The following UTP20 variants were observed in gnomAD, a reference collection of about 807,000 sequenced individuals.
UTP20 encodes small subunit processome component 20 homolog.
A neutral mutation model predicts 329.5 loss-of-function variants in UTP20; 164 were observed. That is an observed-to-expected ratio of 0.50 (90% CI 0.44 to 0.57). The LOEUF (loss-of-function observed/expected upper bound fraction) is 0.57. UTP20 is among the 20% of genes least tolerant of loss of function. UTP20 has a pLI of 0.00. For synonymous variants in UTP20, 1,151 were observed against 1,159.3 expected, an observed-to-expected ratio of 0.99 and a Z score of 0.14; for missense variants, 3,055 against 3,284.2, an observed-to-expected ratio of 0.93 and a Z score of 1.71.
Position 101,369,844 on chromosome 12 carries a change from G to A in UTP20, c.6508G>A (p.Gly2170Arg), listed in dbSNP as rs372898217. The part of the protein sequence containing the change: ...FLLLKDYAKL[G>R]AARGQNFHLV... Reference sequence around the variant, plus strand: ...TCTGCTGAAGGACTATGCAAAGCTCGGGGCCGCCAGGGGCCAGAACTTCCA... The same window carrying A: ...TCTGCTGAAGGACTATGCAAAGCTCAGGGCCGCCAGGGGCCAGAACTTCCA... The change falls in exon 49 of 62, where the codon GGG (glycine) becomes AGG (arginine). Residue 2170 changes from glycine to arginine, a missense_variant. Around this residue, in one of 3 missense-constraint regions of UTP20, gnomAD observed 2,445 missense variants for 2,575.5 expected, o/e 0.95. Transcript: ENST00000261637. 3.7e-6 allele frequency: 6 copies of A among 1,613,878 alleles called. No homozygotes were observed. Among genetic ancestry groups the A allele is most frequent in the African/African-American group, 1.3e-5 (1 of 74,878 alleles).
Position 101,354,902 on chromosome 12 carries a change from G to A in UTP20, c.5178G>A (p.Lys1726=). 1.9e-6 allele frequency: 3 copies of A among 1,614,150 alleles called. No individual in the cohort carries two copies. Among genetic ancestry groups the A allele is most frequent in the Non-Finnish European group, 2.5e-6 (3 of 1,180,030 alleles). The stretch of plus-strand genomic sequence containing the variant: ...TAGAGCGTGTGGATGAGGAAGAGAA[G>A]GAATATACATGCAAGAGTTTGTCAG... ...MELERVDEEE[K]EYTCKSLSDN... is the part of the protein sequence containing the mutation. Residue 1726 remains lysine, a synonymous_variant, in exon 41 of 62, where the codon AAG becomes AAA. Coordinates refer to ENST00000261637, the MANE Select transcript of UTP20 (RefSeq NM_014503.3).
At chr12:101,385,097 C>CA (rs35335261) in intron 60 of UTP20, among the ~76,000 whole-genome samples, 24,248 of 113,998 alleles carry the variant, frequency 0.21, 2,536 homozygotes, top group Non-Finnish European at 0.28. Context: ...ACTCCCCCGC[C>CA]AAAAAAAAAA....
At chr12:101,285,056 G>T (rs1353225621) in intron 2 of UTP20, among the ~76,000 whole-genome samples, 1 of 151,986 alleles carries the variant, frequency 6.6e-6, no homozygotes, top group East Asian at 1.9e-4. Flanking sequence ...CCTATTGTCG[G>T]ATATTTTAGC....
At chr12:101,342,394 G>T in intron 32 of UTP20, 52 bp from the exon 33 acceptor site, 1 of 1,437,386 alleles carries the variant, frequency 7.0e-7, no homozygotes, top group Non-Finnish European at 9.4e-7. Context: ...AGTATAAGTT[G>T]ACCAGTTTAT....
At position 101,356,558 on chromosome 12, in the gene UTP20, A is replaced by C. The variant is rs773190450; in HGVS notation, c.5399A>C (p.Lys1800Thr). ...TAACCTAAATTTTTCTTACAGACTA[A>C]AAGGGAAGAAGAACACAAGCTTGTC... ...RLHKCLASTT[K>T]REEEHKLVKS... The change falls in exon 42 of 62, where the codon AAA becomes ACA. Residue 1800 changes from lysine (K) to threonine (T), a missense_variant. Transcript: ENST00000261637. The C allele has an allele frequency of 4.3e-6, 7 of 1,610,084 alleles. No homozygotes were observed. The Admixed American group carries it at 5.1e-5, about 12-fold the overall frequency.
chr12:101,350,607 T>G (rs1028074691), intron 38 of UTP20, among the ~76,000 whole-genome samples: 4 of 152,160 alleles, frequency 2.6e-5, no homozygotes, highest in Admixed American at 2.0e-4. Context: ...GCTTTCAAGC[T>G]CTCTTAGGGC....
rs758143201 is a variant in UTP20 at position 101,290,927 on chromosome 12, G to A, written c.891+39G>A. 36 of 1,581,240 alleles carry A rather than the reference G, an allele frequency of 2.3e-5. No individual in the cohort carries two copies. The Admixed American group carries it at 6.3e-4, about 28-fold the overall frequency. The stretch of plus-strand genomic sequence containing the variant: ...TTTAAGGATGGGTTTTTGATAAGGA[G>A]TCTAAGAATTTACTGTTTCTGCTCT... On this transcript the variant is annotated intron_variant, in intron 8 of 61. Coordinates refer to ENST00000261637, the MANE Select transcript of UTP20 (RefSeq NM_014503.3).
intron 2 of UTP20, among the ~76,000 whole-genome samples, chr12:101,284,656 A>C (rs985946624): frequency 2.0e-5 from 3 of 152,120 alleles, no homozygotes; most frequent in Admixed American, 1.3e-4. Flanking sequence ...CATGTCATAC[A>C]TGTATGATAA....
intron 37 of UTP20, among the ~76,000 whole-genome samples, chr12:101,345,962 A>G (rs889144849): frequency 5.9e-5 from 9 of 152,176 alleles, no homozygotes; most frequent in South Asian, 2.1e-4. Context: ...TCCATTGTTA[A>G]ACAAATGCTA....
At chr12:101,361,681 T>C (rs1316541311) in intron 43 of UTP20, among the ~76,000 whole-genome samples, 1 of 147,530 alleles carries the variant, frequency 6.8e-6, no homozygotes, top group Non-Finnish European at 1.5e-5. Context: ...ATAAATAAAG[T>C]TCAAGACTCT....
chr12:101,356,998 T>C lies in UTP20; in HGVS notation c.5607T>C (p.Leu1869=), dbSNP rs1211277993. Residue 1869 remains leucine (L), a synonymous_variant, in exon 43 of 62, where the codon CTT becomes CTC. Coordinates refer to ENST00000261637, the MANE Select transcript of UTP20 (RefSeq NM_014503.3). ...QEIRDIARST[L]AKIIEDLGVH... is the part of the protein sequence containing the mutation. Reference sequence around the variant, plus strand: ...TCAGAGACATTGCACGCAGCACTCTTGCGAAAATAATAGAGGATCTTGGTG... The same window carrying C: ...TCAGAGACATTGCACGCAGCACTCTCGCGAAAATAATAGAGGATCTTGGTG... 6.2e-7 allele frequency: 1 copy of C among 1,614,144 alleles called. No individual in the cohort carries two copies. Among genetic ancestry groups the C allele is most frequent in the East Asian group, 2.2e-5 (1 of 44,870 alleles).
chr12:101,296,614 A>T (rs7296640), intron 12 of UTP20, among the ~76,000 whole-genome samples: 7 of 146,436 alleles, frequency 4.8e-5, no homozygotes, highest in Non-Finnish European at 7.5e-5. Flanking sequence ...TGGGTGTGGT[A>T]GCGGGCGCCT....
intron 23 of UTP20, 90 bp downstream of exon 23, chr12:101,319,725 G>A (rs1873088422): frequency 2.0e-6 from 2 of 994,304 alleles, no homozygotes; most frequent in South Asian, 1.5e-5. Flanking sequence ...TTCAATAATT[G>A]CTGAATAGGG....
At chr12:101,295,332 A>G (rs1390422455) in intron 11 of UTP20, 148 bp from the exon 12 acceptor site, 3 of 680,558 alleles carry the variant, frequency 4.4e-6, no homozygotes, top group Non-Finnish European at 7.0e-6. Context: ...ACATGGCTGC[A>G]CAGTCTTTAG....
intron 5 of UTP20, 143 bp downstream of exon 5, chr12:101,286,652 A>T: frequency 1.6e-6 from 1 of 617,132 alleles, no homozygotes; most frequent in African/African-American, 1.9e-5. Context: ...GTGGTCCACA[A>T]TCTAGTCTGC....
intron 5 of UTP20, among the ~76,000 whole-genome samples, 187 bp from the exon 6 acceptor site, chr12:101,288,773 G>A (rs1375072377): frequency 2.0e-5 from 3 of 152,162 alleles, no homozygotes; most frequent in African/African-American, 7.2e-5. Flanking sequence ...GACTCTTCAT[G>A]TCTGTGGTCA....
At chr12:101,295,806 C>T in intron 12 of UTP20, 148 bp downstream of exon 12, 1 of 860,666 alleles carries the variant, frequency 1.2e-6, no homozygotes, top group South Asian at 2.2e-5. Flanking sequence ...TAGAGCTACA[C>T]ACATAGTACG....
chr12:101,314,358 G>C (rs1018727769), intron 21 of UTP20, among the ~76,000 whole-genome samples: 3 of 152,110 alleles, frequency 2.0e-5, no homozygotes, highest in Non-Finnish European at 2.9e-5. Context: ...AGGGATGACA[G>C]CCTAATTAAA....
chr12:101,288,001 G>A (rs987137011), intron 5 of UTP20, among the ~76,000 whole-genome samples: 5 of 152,150 alleles, frequency 3.3e-5, no homozygotes, highest in African/African-American at 9.7e-5. Context: ...CCGCTGTAAG[G>A]TCTTCAGCTT....
Sources: allele counts gnomAD v4.1 joint callset (sites outside exome capture counted in the v4.1 genomes callset), GRCh38; gene constraint gnomAD v4.1.1; regional missense constraint gnomAD v4.1.1; transcripts MANE v1.5; gene names NCBI Gene and HGNC (gene_info 2026-07-23, HGNC 2026-07-21).